Variants in ZDHHC24 observed in about 807,000 individuals in gnomAD.
The protein encoded by ZDHHC24 is zDHHC palmitoyltransferase 24, also known as probable palmitoyltransferase ZDHHC24.
ZDHHC24 carries 17 observed loss-of-function variants against 23.2 expected under a neutral mutation model. The ratio of observed to expected loss-of-function variants is 0.73; its 90% CI spans 0.50 to 1.10. The LOEUF (loss-of-function observed/expected upper bound fraction) is 1.10. Ranked by LOEUF, ZDHHC24 falls within the 50% of genes least tolerant of loss-of-function variation. The probability of loss-of-function intolerance (pLI) is 0.00; values close to 1 mark genes in which losing one functional copy is unlikely to be tolerated. For missense variants in ZDHHC24, 366 were observed against 393.0 expected, an observed-to-expected ratio of 0.93 and a Z score of 0.58; for synonymous variants, 186 against 194.5, an observed-to-expected ratio of 0.96 and a Z score of 0.36.
At position 66,545,671 on chromosome 11, in the gene ZDHHC24, C is replaced by T. The variant is rs552807203; in HGVS notation, c.281+52G>A. On this transcript the variant is annotated intron_variant, in intron 1 of 2. Coordinates refer to ENST00000310442, the MANE Select transcript of ZDHHC24 (RefSeq NM_207340.3). The surrounding 1 kb of genome is among the most constrained non-coding windows in gnomAD (Gnocchi z 4.5). ...AACATCTCAGGTCTTGGGGCCCCTC[C>T]CCCCTGTCCAAGGCTCCCACTTCTC... 87 of 1,437,384 alleles carry T rather than the reference C, an allele frequency of 6.1e-5. No homozygotes were observed. In the South Asian group the frequency reaches 1.2e-3, roughly 20 times the overall value. 89.0% of individuals were successfully genotyped at this position (1,437,384 alleles called of 1,614,324 possible). A position where few individuals can be genotyped will look rare whatever the true frequency, so the allele number is the denominator to read the frequency against.
intron 2 of ZDHHC24, among the ~76,000 whole-genome samples, chr11:66,542,140 T>C (rs573699685): frequency 1.3e-5 from 2 of 152,098 alleles, no homozygotes; most frequent in African/African-American, 4.8e-5. Context: ...TTCTCAGTGC[T>C]GGAGCTTGGA....
chr11:66,539,829 A>C lies in ZDHHC24; in HGVS notation c.560-5T>G, dbSNP rs1857097277. The C allele has an allele frequency of 6.3e-7, 1 of 1,590,114 alleles. No individual in the cohort carries two copies. The highest frequency in any genetic ancestry group is 8.6e-7 in the Non-Finnish European group (1 of 1,166,850). On this transcript the variant is annotated splice_region_variant and splice_polypyrimidine_tract_variant and intron_variant, in intron 2 of 2. Transcript: ENST00000310442. ...ACTGTGCCAGAGACACTCTGCCTGC[A>C]ATAAAAGAGCAGAGAGGGTCAGGGA...
exon 3 of ZDHHC24, chr11:66,529,326 C>T (rs1451444205): frequency 6.5e-7 from 1 of 1,535,952 alleles, no homozygotes; most frequent in Non-Finnish European, 8.7e-7. Context: ...AGGCTGGTTT[C>T]CGCAGCATTG....
downstream of ZDHHC24, chr11:66,520,639 T>C (rs1856176916): frequency 6.2e-6 from 1 of 160,800 alleles, no homozygotes; most frequent in Non-Finnish European, 1.4e-5. Flanking sequence ...GGTACCATAA[T>C]TTATTTACCC....
intron 3 of ZDHHC24, chr11:66,527,075 C>A: frequency 6.7e-7 from 1 of 1,494,058 alleles, no homozygotes; most frequent in South Asian, 1.2e-5. Context: ...CAGGAATTCT[C>A]ATGAGGAAAG....
At position 66,526,160 on chromosome 11, in the gene ZDHHC24, G is replaced by A. The variant is rs746336508; in HGVS notation, c.*21+776C>T. On this transcript the variant is annotated intron_variant, in intron 4 of 4. Coordinates refer to the ZDHHC24 transcript ENST00000526986. ...AGCCTTTGCTTTGGCCGGTACGGGC[G>A]GGAGGACAACACCCTCATCATGACC... The A allele has an allele frequency of 2.2e-5, 36 of 1,614,072 alleles. No individual in the cohort carries two copies. The highest frequency in any genetic ancestry group is 4.4e-5 in the South Asian group (4 of 91,086).
Position 66,523,635 on chromosome 11 carries a change from A to G in ZDHHC24, c.*22-2169T>C. On this transcript the variant is annotated intron_variant, in intron 4 of 4. Coordinates refer to the ZDHHC24 transcript ENST00000526986. ...CCTATGTCCCTAGCCCCCACTTGGC[A>G]AGAGAGTCCTCTGGCTTCCCCACCC... 1 of 1,612,634 alleles carries G rather than the reference A, an allele frequency of 6.2e-7. No homozygotes were observed. Among genetic ancestry groups the G allele is most frequent in the Non-Finnish European group, 8.5e-7 (1 of 1,179,962 alleles).
rs762566248 is a variant in ZDHHC24 at position 66,523,514 on chromosome 11, C to T, written c.*22-2048G>A. 3.0e-5 allele frequency: 49 copies of T among 1,614,082 alleles called. No individual in the cohort carries two copies. The highest frequency in any genetic ancestry group is 1.6e-4 in the Middle Eastern group (1 of 6,062). ...GAGCGCCCAGCCTGTGGGACTTATC[C>T]GGGTACACAAGGTCCTAGTGGTGGG... On this transcript the variant is annotated intron_variant, in intron 4 of 4. Transcript: ENST00000526986.
In ZDHHC24 at chr11:66,538,371, T is replaced by G. The variant is rs1398699106; in HGVS notation, c.*1158A>C. 3 of 150,274 alleles carry G rather than the reference T, an allele frequency of 2.0e-5. No homozygotes were observed. In the Admixed American group the frequency reaches 2.0e-4, roughly 10 times the overall value. The allele number at this position is 150,274 out of a possible 1,614,324, so 9.3% of individuals were successfully genotyped here. A position where few individuals can be genotyped will look rare whatever the true frequency, so the allele number is the denominator to read the frequency against. Reference sequence around the variant, plus strand: ...GAGATCACGCCATTGCACTCCTGCCTGAGCAACAAGAGCAAAACTCCGTCT... The same window carrying G: ...GAGATCACGCCATTGCACTCCTGCCGGAGCAACAAGAGCAAAACTCCGTCT... On this transcript the variant is annotated 3_prime_UTR_variant, in exon 3 of 3. Transcript: ENST00000310442.
chr11:66,539,033 A>C lies in ZDHHC24; in HGVS notation c.*496T>G, dbSNP rs1857066353. On this transcript the variant is annotated 3_prime_UTR_variant, in exon 3 of 3. Transcript: ENST00000310442. ...GTTGCAGAAATGCTTCTAACTATAA[A>C]ATGCCAAACCTGGGAAAGAATGTTT... 5.9e-6 allele frequency: 1 copy of C among 168,664 alleles called. No individual in the cohort carries two copies. The highest frequency in any genetic ancestry group is 2.4e-5 in the African/African-American group (1 of 41,780). 10.4% of individuals were successfully genotyped at this position (168,664 alleles called of 1,614,324 possible). A position where few individuals can be genotyped will look rare whatever the true frequency, so the allele number is the denominator to read the frequency against.
intron 2 of ZDHHC24, chr11:66,529,695 ACTC>A (rs1254975674): frequency 1.1e-5 from 14 of 1,241,696 alleles, no homozygotes; most frequent in South Asian, 3.7e-5. Flanking sequence ...GCTCCTGCAG[ACTC>A]CTCCTGCAGC....
downstream of ZDHHC24, chr11:66,520,863 G>C: frequency 3.1e-6 from 1 of 317,828 alleles, no homozygotes. Flanking sequence ...CTTCTCATCT[G>C]TGGGACCACC....
rs58149913 is a variant in ZDHHC24, at chr11:66,523,361, C to T, written c.*22-1895G>A. The T allele has an allele frequency of 3.7e-3, 5,827 of 1,567,806 alleles. 187 individuals are homozygous for T. The African/African-American group carries it at 0.069, about 19-fold the overall frequency. On this transcript the variant is annotated intron_variant, in intron 4 of 4. Coordinates refer to the ZDHHC24 transcript ENST00000526986. The stretch of plus-strand genomic sequence containing the variant: ...CATCTGCTTTGGGGCCAGTGTTCCT[C>T]CCAGGTGAGTCCATGAGGTTTAGAC...
chr11:66,539,568 G>A lies in ZDHHC24; in HGVS notation c.816C>T (p.Thr272=), dbSNP rs767517016. 1.4e-5 allele frequency: 23 copies of A among 1,607,662 alleles called. No individual in the cohort carries two copies. In the South Asian group the frequency reaches 2.5e-4, roughly 18 times the overall value. Residue 272 remains threonine (T), a synonymous_variant, in exon 3 of 3, where the codon ACC becomes ACT. Coordinates refer to ENST00000310442, the MANE Select transcript of ZDHHC24 (RefSeq NM_207340.3). ...GTCCCACATCTGCTGTGGTCTGGAA[G>A]GTGATCCCATCCCCAGGCAATGGGG... ...LASPLPGDGI[T]FQTTADVGHT... is the part of the protein sequence containing the mutation.
At chr11:66,531,662 T>A, downstream of ZDHHC24, 1 of 1,614,074 alleles carries the variant, frequency 6.2e-7, no homozygotes. Flanking sequence ...TTAGGTACCC[T>A]TGCTGGTGCC....
chr11:66,540,160 G>A (rs1005083980), intron 2 of ZDHHC24, among the ~76,000 whole-genome samples: 10 of 152,132 alleles, frequency 6.6e-5, no homozygotes, highest in Non-Finnish European at 1.5e-4. Context: ...GCTCACACCT[G>A]TAATCCCAGC....
At chr11:66,529,587 A>G (rs1165681631) in intron 2 of ZDHHC24, 1 of 692,688 alleles carries the variant, frequency 1.4e-6, no homozygotes, top group Non-Finnish European at 2.6e-6. Flanking sequence ...AAGGAGCTAG[A>G]TAGTGCAGGC....
chr11:66,543,780 C>T lies in ZDHHC24; in HGVS notation c.483G>A (p.Leu161=), dbSNP rs772172298. 4.3e-6 allele frequency: 7 copies of T among 1,611,326 alleles called. No individual in the cohort carries two copies. The South Asian group carries it at 7.7e-5, about 18-fold the overall frequency. ...LHVSVLLGPA[L]SALLRAHTPL... ...GCGTGTGGGCTCGCAGCAGGGCCGA[C>T]AGTGCAGGGCCCAGCAGCACAGAGA... is the stretch of plus-strand genomic sequence containing the variant. The change falls in exon 2 of 3, where the codon CTG becomes CTA. Residue 161 remains leucine (L), a synonymous_variant. Coordinates refer to ENST00000310442, the MANE Select transcript of ZDHHC24 (RefSeq NM_207340.3).
In ZDHHC24 at chr11:66,529,435, G is replaced by C. The variant is rs1484565904; in HGVS notation, c.613C>G (p.Pro205Ala). The C allele has an allele frequency of 8.2e-6, 7 of 857,948 alleles. No individual in the cohort carries two copies. The East Asian group carries it at 1.8e-4, about 23-fold the overall frequency. The allele number at this position is 857,948 out of a possible 1,614,324, so 53.1% of individuals were successfully genotyped here. The change falls in exon 3 of 5, where the codon CCA becomes GCA. Residue 205 changes from proline (P) to alanine (A), a missense_variant. Coordinates refer to the ZDHHC24 transcript ENST00000526986. ...AGACACATGCACAATATCGAGCGTG[G>C]ACACCAAGGACTCCTCTTTGTGGTG...
Sources: gnomAD v4.1 joint callset for allele counts (sites outside exome capture counted in the v4.1 genomes callset) on GRCh38, gnomAD v4.1.1 for gene constraint, Gnocchi (gnomAD v3.1) non-coding constraint, MANE v1.5 for transcripts, NCBI Gene and HGNC (gene_info 2026-07-23, HGNC 2026-07-21) for gene names.